Variants in PARVG observed in about 807,000 individuals in gnomAD.
The protein encoded by PARVG is gamma-parvin.
In PARVG, 36 loss-of-function variants were observed where a neutral mutation model predicts 44.4. That is an observed-to-expected ratio of 0.81 (90% CI 0.62 to 1.07). The LOEUF is 1.07. Among genes scored for constraint, PARVG ranks in the 50% least tolerant of loss-of-function variants. PARVG has a pLI of 0.00. For missense variants in PARVG, 407 were observed against 407.4 expected (o/e 1.00, Z 0.01); for synonymous variants, 170 against 174.1 (o/e 0.98, Z 0.19).
chr22:44,174,940 G>A (rs1218906981), intron 1 of PARVG, among the ~76,000 whole-genome samples: 2 of 151,684 alleles, frequency 1.3e-5, no homozygotes, highest in African/African-American at 4.8e-5. Flanking sequence ...TGGCTAACAT[G>A]GTGAAACCCT....
intron 6 of PARVG, among the ~76,000 whole-genome samples, chr22:44,190,019 T>A (rs139139): frequency 0.3 from 45,274 of 151,770 alleles, 7,313 homozygotes; most frequent in Admixed American, 0.42. Flanking sequence ...ATTCTCCATA[T>A]CCCCCCACCC....
rs1312942526 is a variant in PARVG, at chr22:44,182,115, C to G, written c.-13+198C>G. ...AGAGGCTGCTCGGCGTCCTCCCTCC[C>G]TGTTCTACTGAGGAGTTGCCGCCTC... On this transcript the variant is annotated intron_variant, in intron 2 of 13. Coordinates refer to ENST00000444313, the MANE Select transcript of PARVG (RefSeq NM_022141.7). This position sits in a 1 kb window ranked among gnomAD's most constrained non-coding sequence, Gnocchi z 4.6. Among the ~76,000 whole-genome samples, 3 of 152,202 alleles carry G rather than the reference C, an allele frequency of 2.0e-5. No homozygotes were observed.
chr22:44,197,830 AG>A (rs2054639044), intron 11 of PARVG, among the ~76,000 whole-genome samples: 1 of 152,168 alleles, frequency 6.6e-6, no homozygotes, highest in South Asian at 2.1e-4. Context: ...AGAGATTTGT[AG>A]TTTTATTATA....
intron 7 of PARVG, 61 bp downstream of exon 7, chr22:44,190,727 C>A: frequency 1.4e-6 from 2 of 1,406,930 alleles, no homozygotes; most frequent in Non-Finnish European, 2.0e-6. Flanking sequence ...CCCCCATTGC[C>A]GTACCCTGCA....
chr22:44,178,832 A>AT (rs1273701659), upstream of PARVG, among the ~76,000 whole-genome samples: 1 of 152,158 alleles, frequency 6.6e-6, no homozygotes, highest in South Asian at 2.1e-4. Flanking sequence ...GCCTTGGTGA[A>AT]GTTTGAATGT....
At chr22:44,197,289 C>T (rs956611396) in intron 11 of PARVG, among the ~76,000 whole-genome samples, 2 of 152,304 alleles carry the variant, frequency 1.3e-5, no homozygotes, top group African/African-American at 4.8e-5. Flanking sequence ...AAAGCCCTCA[C>T]TATGTGCCAG....
chr22:44,193,751 G>C (rs376999915), intron 8 of PARVG, 50 bp from the exon 9 acceptor site: 1 of 1,603,746 alleles, frequency 6.2e-7, no homozygotes, highest in Non-Finnish European at 8.5e-7. Flanking sequence ...GTAGGTTTGC[G>C]GGGTGTTTTT....
chr22:44,198,127 A>G (rs918175948), intron 11 of PARVG, among the ~76,000 whole-genome samples: 5 of 152,242 alleles, frequency 3.3e-5, no homozygotes, highest in African/African-American at 7.2e-5. Context: ...CCAATATCCC[A>G]TCCTGTGTTT....
chr22:44,185,771 G>A, intron 3 of PARVG, 37 bp from the exon 4 acceptor site: 5 of 1,582,696 alleles, frequency 3.2e-6, no homozygotes, highest in Non-Finnish European at 3.5e-6. Context: ...CGCCCCACAG[G>A]GTCCCCATGC....
In PARVG at chr22:44,191,537, A is replaced by G. The variant is rs369271654; in HGVS notation, c.505-512A>G. On this transcript the variant is annotated intron_variant, in intron 7 of 13. Transcript: ENST00000444313. The stretch of plus-strand genomic sequence containing the variant: ...CTCAGCCTCCCAAGTAGCTGGGACT[A>G]CAGATTTGAGACACTGTGCCTGGCT... Among the ~76,000 whole-genome samples, 166 of 151,692 alleles carry G rather than the reference A, an allele frequency of 1.1e-3. 1 individual carries two copies. Among genetic ancestry groups the G allele is most frequent in the African/African-American group, 3.9e-3 (162 of 41,344 alleles).
intron 7 of PARVG, 37 bp downstream of exon 7, chr22:44,190,703 C>T (rs759660533): frequency 3.9e-6 from 6 of 1,553,120 alleles, no homozygotes; most frequent in South Asian, 1.1e-5. Flanking sequence ...TAAGCAGAAG[C>T]TGAGCCTCTT....
chr22:44,183,153 T>C (rs1411326798), intron 2 of PARVG, 165 bp from the exon 3 acceptor site: 2 of 583,390 alleles, frequency 3.4e-6, no homozygotes, highest in Non-Finnish European at 2.9e-6. Flanking sequence ...GCTCAAGGGC[T>C]CTTTCTCACA....
chr22:44,207,647 A>G lies in PARVG; in HGVS notation c.*1221A>G, dbSNP rs9754424. The stretch of plus-strand genomic sequence containing the variant: ...TTAGATGGGGGTTAGGGGCTAGGTC[A>G]TCATTGACACCCACTGGGGGCGCCT... On this transcript the variant is annotated 3_prime_UTR_variant, in exon 14 of 14. Transcript: ENST00000444313. 0.045 allele frequency: 6,784 copies of G among 152,120 alleles called. 258 individuals carry two copies. The highest frequency in any genetic ancestry group is 0.056 in the Non-Finnish European group (3,847 of 68,106). 9.4% of individuals were successfully genotyped at this position (152,120 alleles called of 1,614,324 possible).
chr22:44,173,159 A>G (rs545383810), exon 1 of PARVG: 1 of 1,283,082 alleles, frequency 7.8e-7, no homozygotes, highest in African/African-American at 1.5e-5. Context: ...CTGGGACCAC[A>G]AGGAGAAGAG....
intron 13 of PARVG, 137 bp downstream of exon 13, chr22:44,205,966 G>A: frequency 1.8e-6 from 2 of 1,084,440 alleles, no homozygotes; most frequent in Non-Finnish European, 2.7e-6. Context: ...GGTGGAGAAT[G>A]GGCGCTTGCC....
intron 12 of PARVG, among the ~76,000 whole-genome samples, chr22:44,201,811 C>T (rs1046067536): frequency 6.6e-6 from 1 of 152,268 alleles, no homozygotes; most frequent in Admixed American, 6.5e-5. Context: ...CTGGGTGGCT[C>T]GGCTCTGTGC....
At chr22:44,174,032 A>G (rs2054295460) in intron 1 of PARVG, among the ~76,000 whole-genome samples, 1 of 152,206 alleles carries the variant, frequency 6.6e-6, no homozygotes, top group African/African-American at 2.4e-5. Context: ...CCGAGTTTTC[A>G]AGGCCAGCAA....
chr22:44,197,354 T>C (rs1420618314), intron 11 of PARVG, among the ~76,000 whole-genome samples: 1 of 152,188 alleles, frequency 6.6e-6, no homozygotes, highest in African/African-American at 2.4e-5. Flanking sequence ...CATAATCCTC[T>C]GAAGTGGGAA....
At chr22:44,202,141 G>T (rs995389787) in intron 12 of PARVG, among the ~76,000 whole-genome samples, 2 of 152,248 alleles carry the variant, frequency 1.3e-5, no homozygotes, top group Non-Finnish European at 2.9e-5. Context: ...AGTTGAGAGA[G>T]GCACAGAAGT....
Sources: allele counts gnomAD v4.1 joint callset (sites outside exome capture counted in the v4.1 genomes callset), GRCh38; gene constraint gnomAD v4.1.1; non-coding constraint Gnocchi (gnomAD v3.1); transcripts MANE v1.5; gene names NCBI Gene and HGNC (gene_info 2026-07-23, HGNC 2026-07-21).